Variants in RASGRF2 observed in about 807,000 individuals in gnomAD.
RASGRF2 encodes the protein Ras protein specific guanine nucleotide releasing factor 2.
A neutral mutation model predicts 151.0 loss-of-function variants in RASGRF2; 76 were observed. That is an observed-to-expected ratio of 0.50 (90% CI 0.42 to 0.61). RASGRF2 has a LOEUF of 0.61. Among genes scored for constraint, RASGRF2 ranks in the 20% least tolerant of loss-of-function variants. The pLI, the probability that RASGRF2 is intolerant of heterozygous loss-of-function variation, is 0.00. For synonymous variants in RASGRF2, 504 were observed against 566.5 expected, an observed-to-expected ratio of 0.89 and a Z score of 1.57; for missense variants, 1,148 against 1,564.6, an observed-to-expected ratio of 0.73 and a Z score of 4.49.
rs139095044 is a variant in RASGRF2, at chr5:81,076,602, G to C, written c.887+3150G>C. On this transcript the variant is annotated intron_variant, in intron 5 of 26. Coordinates refer to ENST00000265080, the MANE Select transcript of RASGRF2 (RefSeq NM_006909.3). ...CTGATGGGGCAGATGGGAGGGAAGT[G>C]TCGGAGTTGGAGAAGAGAGAAAGAG... Among the ~76,000 whole-genome samples, 490 of 150,674 alleles carry C rather than the reference G, an allele frequency of 3.3e-3. 2 individuals are homozygous for C. The highest frequency in any genetic ancestry group is 0.011 in the African/African-American group (461 of 40,806).
chr5:81,166,555 G>A (rs535075778), intron 17 of RASGRF2, among the ~76,000 whole-genome samples: 2 of 152,260 alleles, frequency 1.3e-5, no homozygotes, highest in East Asian at 1.9e-4. Flanking sequence ...CCTAAGATAA[G>A]CAAGAAAGAC....
intron 1 of RASGRF2, among the ~76,000 whole-genome samples, chr5:80,995,111 C>T (rs1748794815): frequency 6.6e-6 from 1 of 151,928 alleles, no homozygotes; most frequent in African/African-American, 2.4e-5. Context: ...AAAAAATCAC[C>T]CAGGCGCAGT....
chr5:81,202,071 A>G (rs192039212), intron 19 of RASGRF2, among the ~76,000 whole-genome samples: 1 of 152,306 alleles, frequency 6.6e-6, no homozygotes, highest in East Asian at 1.9e-4. Flanking sequence ...TGTTGCACCC[A>G]GTATCCAAGT....
intron 19 of RASGRF2, 58 bp from the exon 20 acceptor site, chr5:81,206,787 T>G: frequency 1.4e-6 from 2 of 1,455,664 alleles, no homozygotes; most frequent in Non-Finnish European, 9.6e-7. Flanking sequence ...CATTTGTAGT[T>G]TTGTTCCTAG....
At chr5:81,204,594 A>G (rs376748335) in intron 19 of RASGRF2, among the ~76,000 whole-genome samples, 3 of 152,174 alleles carry the variant, frequency 2.0e-5, no homozygotes, top group Non-Finnish European at 2.9e-5. Context: ...CTCAAAACTT[A>G]TATTTCTAAA....
At chr5:80,971,861 G>A (rs981411983) in intron 1 of RASGRF2, among the ~76,000 whole-genome samples, 4 of 151,658 alleles carry the variant, frequency 2.6e-5, no homozygotes, top group African/African-American at 4.8e-5. Flanking sequence ...ATGAGCCACC[G>A]CACTCCACCC....
chr5:81,216,728 T>C (rs1755748055), intron 24 of RASGRF2, among the ~76,000 whole-genome samples: 1 of 152,166 alleles, frequency 6.6e-6, no homozygotes, highest in South Asian at 2.1e-4. Context: ...TAGTAATTGG[T>C]CAAGCTGGGA....
At chr5:80,987,067 C>G in intron 1 of RASGRF2, among the ~76,000 whole-genome samples, 1 of 152,196 alleles carries the variant, frequency 6.6e-6, no homozygotes, top group East Asian at 1.9e-4. Flanking sequence ...CTCCTTCTGC[C>G]AGATGAGCTC....
At chr5:81,117,004 T>G (rs1269183526) in intron 15 of RASGRF2, among the ~76,000 whole-genome samples, 1 of 152,244 alleles carries the variant, frequency 6.6e-6, no homozygotes, top group African/African-American at 2.4e-5. Flanking sequence ...GAATATGGTG[T>G]GCAAATATCT....
chr5:81,216,700 A>AATGTTCCCAGTATCACTTAG (rs752174295), intron 24 of RASGRF2, among the ~76,000 whole-genome samples: 14 of 152,186 alleles, frequency 9.2e-5, no homozygotes, highest in Non-Finnish European at 1.8e-4. Flanking sequence ...CAGTTCAGAG[A>AATGTTCCCAGTATCACTTAG]ATGTTCCCAG....
intron 22 of RASGRF2, among the ~76,000 whole-genome samples, chr5:81,210,453 A>G (rs1755606361): frequency 6.6e-6 from 1 of 152,254 alleles, no homozygotes; most frequent in Non-Finnish European, 1.5e-5. Flanking sequence ...ATAGTGGCTT[A>G]GAGCCAAGTG....
chr5:81,032,973 A>C (rs1460322534), intron 1 of RASGRF2, among the ~76,000 whole-genome samples: 1 of 152,244 alleles, frequency 6.6e-6, no homozygotes, highest in Non-Finnish European at 1.5e-5. Flanking sequence ...ATCAATGTGC[A>C]AAAATCACAA....
chr5:81,137,078 T>TA (rs1364662921), intron 17 of RASGRF2, among the ~76,000 whole-genome samples: 1 of 152,178 alleles, frequency 6.6e-6, no homozygotes, highest in Non-Finnish European at 1.5e-5. Flanking sequence ...TGGCTCAACT[T>TA]ACAACTTTTT....
intron 1 of RASGRF2, among the ~76,000 whole-genome samples, chr5:81,016,161 CA>C (rs1749630266): frequency 6.6e-6 from 1 of 152,094 alleles, no homozygotes; most frequent in African/African-American, 2.4e-5. Context: ...TGTTATCTTC[CA>C]CGTCAATCCC....
chr5:81,222,998 A>C (rs1361739438), intron 26 of RASGRF2, among the ~76,000 whole-genome samples: 1 of 152,252 alleles, frequency 6.6e-6, no homozygotes, highest in Admixed American at 6.5e-5. Context: ...ATGTAATATA[A>C]AAAACCTCAA....
chr5:81,133,171 T>A (rs1691401132), intron 17 of RASGRF2, among the ~76,000 whole-genome samples: 1 of 152,202 alleles, frequency 6.6e-6, no homozygotes, highest in Non-Finnish European at 1.5e-5. Context: ...GACCAGGTGT[T>A]AATATGCACA....
intron 17 of RASGRF2, among the ~76,000 whole-genome samples, chr5:81,156,370 C>T (rs1342113214): frequency 6.6e-6 from 1 of 152,124 alleles, no homozygotes; most frequent in African/African-American, 2.4e-5. Flanking sequence ...GACAGCATTA[C>T]CTTGATACCA....
At chr5:81,178,544 T>A (rs1014939231) in intron 17 of RASGRF2, among the ~76,000 whole-genome samples, 5 of 152,176 alleles carry the variant, frequency 3.3e-5, no homozygotes, top group Admixed American at 2.6e-4. Context: ...CTAATTTGCT[T>A]GTAGGTAATC....
chr5:81,127,225 T>G, intron 17 of RASGRF2, 62 bp downstream of exon 17: 3 of 1,500,972 alleles, frequency 2.0e-6, no homozygotes, highest in Middle Eastern at 1.7e-4. Context: ...GTGGCCCGTG[T>G]CTGCCAGTGT....
Sources: gnomAD v4.1 joint callset for allele counts (sites outside exome capture counted in the v4.1 genomes callset) on GRCh38, gnomAD v4.1.1 for gene constraint, MANE v1.5 for transcripts, NCBI Gene and HGNC (gene_info 2026-07-23, HGNC 2026-07-21) for gene names.